TMEM164: variants seen among roughly 807,000 people sequenced by gnomAD.
The protein encoded by TMEM164 is RP13-360B22.2.
In TMEM164, 4 loss-of-function variants were observed where a neutral mutation model predicts 18.8. That is an observed-to-expected ratio of 0.21 (90% CI 0.10 to 0.49). TMEM164 has a LOEUF of 0.49. Among genes scored for constraint, TMEM164 ranks in the 20% least tolerant of loss-of-function variants. The pLI is 0.98. For missense variants in TMEM164, 108 were observed against 239.9 expected, an observed-to-expected ratio of 0.45 and a Z score of 3.63; for synonymous variants, 86 against 101.7, an observed-to-expected ratio of 0.85 and a Z score of 0.93.
intron 2 of TMEM164, among the ~76,000 whole-genome samples, chrX:110,021,124 A>G (rs1569296803): frequency 9.0e-6 from 1 of 111,212 alleles, no homozygotes. Context: ...TAATGACCAC[A>G]TTTCTGTATT....
At chrX:110,031,081 G>C (rs1358825919) in intron 2 of TMEM164, among the ~76,000 whole-genome samples, 8 of 110,471 alleles carry the variant, frequency 7.2e-5, no homozygotes, top group Non-Finnish European at 1.5e-4. Flanking sequence ...ACAGGCCCCG[G>C]CATGTGATGT....
intron 5 of TMEM164, among the ~76,000 whole-genome samples, chrX:110,164,425 G>A (rs1041463195): frequency 3.6e-5 from 4 of 111,460 alleles, no homozygotes; most frequent in African/African-American, 9.8e-5. Context: ...CATGGTTATC[G>A]GGAGTGAGCT....
intron 4 of TMEM164, among the ~76,000 whole-genome samples, chrX:110,127,342 G>A (rs989683077): frequency 9.0e-6 from 1 of 110,826 alleles, no homozygotes; most frequent in Non-Finnish European, 1.9e-5. Context: ...GAGAAACCCC[G>A]TCTGTACTAA....
intron 5 of TMEM164, among the ~76,000 whole-genome samples, chrX:110,169,840 T>A (rs2067206177): frequency 9.0e-6 from 1 of 111,549 alleles, no homozygotes; most frequent in Non-Finnish European, 1.9e-5. Flanking sequence ...GGTTGCCCTC[T>A]TTAGAAGGGG....
intron 3 of TMEM164, among the ~76,000 whole-genome samples, chrX:110,107,238 G>C (rs761477977): frequency 8.9e-6 from 1 of 111,799 alleles, no homozygotes; most frequent in South Asian, 3.7e-4. Flanking sequence ...AGAGTTTGGG[G>C]TCTGGAGTCA....
At chrX:110,167,344 C>T (rs1032772647) in intron 5 of TMEM164, among the ~76,000 whole-genome samples, 2 of 112,471 alleles carry the variant, frequency 1.8e-5, no homozygotes, top group African/African-American at 6.5e-5. Context: ...AAACCCAAGG[C>T]TACATGGCCC....
At chrX:110,045,781 G>GT (rs1455080883) in intron 2 of TMEM164, among the ~76,000 whole-genome samples, 1 of 112,053 alleles carries the variant, frequency 8.9e-6, no homozygotes, top group Admixed American at 9.5e-5. Flanking sequence ...GTCCTAGCTA[G>GT]TTTTTTGAAG....
intron 5 of TMEM164, among the ~76,000 whole-genome samples, chrX:110,163,164 A>G (rs1312428636): frequency 9.0e-6 from 1 of 111,724 alleles, no homozygotes; most frequent in Non-Finnish European, 1.9e-5. Flanking sequence ...AGCTGTTTTG[A>G]TGGAGGGAGG....
Position 110,160,017 on chromosome X carries a change from GGTGGTTGGAGGAAA to G in TMEM164, c.587-11399_587-11386del, listed in dbSNP as rs1435664155. Among the ~76,000 whole-genome samples the G allele has an allele frequency of 1.3e-3, 149 of 111,718 alleles. 1 individual carries two copies. The highest frequency in any genetic ancestry group is 4.7e-3 in the African/African-American group (145 of 30,679). ...TGGGTTGGGAGGAAGTCAGCCACAA[GGTGGTTGGAGGAAA>G]GTGCCCACACAGCTTTAGGCCCACA... On this transcript the variant is annotated intron_variant, in intron 5 of 6. Transcript: ENST00000372068.
chrX:110,088,799 G>A (rs1242418056), intron 3 of TMEM164, among the ~76,000 whole-genome samples: 1 of 111,903 alleles, frequency 8.9e-6, no homozygotes, highest in Non-Finnish European at 1.9e-5. Context: ...CCTAGAGCAG[G>A]GACTGCTTTT....
intron 4 of TMEM164, among the ~76,000 whole-genome samples, chrX:110,112,027 G>A (rs2066297121): frequency 9.0e-6 from 1 of 110,664 alleles, no homozygotes; most frequent in African/African-American, 3.3e-5. Flanking sequence ...GAGCAACACA[G>A]TGAGAACTCA....
intron 2 of TMEM164, among the ~76,000 whole-genome samples, chrX:110,007,656 A>T (rs1299764163): frequency 8.9e-6 from 1 of 112,199 alleles, no homozygotes; most frequent in African/African-American, 3.2e-5. Flanking sequence ...TCTCATAGCT[A>T]TTTAAGTCTT....
intron 2 of TMEM164, among the ~76,000 whole-genome samples, chrX:110,050,322 C>T (rs1487106167): frequency 8.9e-6 from 1 of 111,834 alleles, no homozygotes; most frequent in Non-Finnish European, 1.9e-5. Flanking sequence ...TACAACCCTT[C>T]CTGGAGTGAA....
At chrX:110,095,528 A>T in intron 3 of TMEM164, among the ~76,000 whole-genome samples, 1 of 111,945 alleles carries the variant, frequency 8.9e-6, no homozygotes, top group East Asian at 2.8e-4. Flanking sequence ...TTTCAGCTCC[A>T]TCAGGTTATT....
rs2067278151 is a variant in TMEM164, at chrX:110,175,340, GC to G, written c.*1893del. 8.8e-6 allele frequency: 1 copy of G among 113,252 alleles called. No homozygotes were observed. The highest frequency in any genetic ancestry group is 3.2e-5 in the African/African-American group (1 of 31,192). The allele number at this position is 113,252 out of a possible 1,213,427, so 9.3% of individuals were successfully genotyped here. On this transcript the variant is annotated 3_prime_UTR_variant, in exon 7 of 7. Transcript: ENST00000372068. ...AAGTTGGAAGGGGATTGTGGGAGGA[GC>G]CCCTGGGGGCCTGGTCTGTCCTCCA...
intron 2 of TMEM164, among the ~76,000 whole-genome samples, chrX:110,022,589 G>A (rs756477755): frequency 9.0e-5 from 10 of 111,558 alleles, no homozygotes; most frequent in African/African-American, 2.3e-4. Flanking sequence ...AAAATCTGAC[G>A]TATTTGAAAA....
intron 3 of TMEM164, among the ~76,000 whole-genome samples, chrX:110,104,430 G>T (rs181657821): frequency 1.8e-5 from 2 of 111,698 alleles, no homozygotes; most frequent in Non-Finnish European, 3.8e-5. Context: ...ATGGTGTTTA[G>T]TGCAATACCA....
chrX:110,022,199 A>ATG lies in TMEM164; in HGVS notation c.390+18055_390+18056dup, dbSNP rs754713777. Among the ~76,000 whole-genome samples the ATG allele has an allele frequency of 6.6e-3, 710 of 107,574 alleles. 1 individual carries two copies. The highest frequency in any genetic ancestry group is 0.014 in the African/African-American group (397 of 29,352). The allele number at this position is 107,574 out of a possible 115,157, so 93.4% of individuals were successfully genotyped here. A position where few individuals can be genotyped will look rare whatever the true frequency, so the allele number is the denominator to read the frequency against. On this transcript the variant is annotated intron_variant, in intron 2 of 6. Coordinates refer to ENST00000372068, the MANE Select transcript of TMEM164 (RefSeq NM_032227.4). ...TCTGAGCCTAAACTGACCACTAGAAATGTGTGTGTGTGTGTGTGTGTATTG... is the reference window on the plus strand; with the variant it reads ...TCTGAGCCTAAACTGACCACTAGAAATGTGTGTGTGTGTGTGTGTGTGTATTG...
chrX:110,066,554 G>A (rs1272250937), intron 2 of TMEM164, among the ~76,000 whole-genome samples: 1 of 112,191 alleles, frequency 8.9e-6, no homozygotes, highest in African/African-American at 3.2e-5. Flanking sequence ...TCTTAATGGG[G>A]GAACCCAGGA....
Sources: allele counts gnomAD v4.1 joint callset (sites outside exome capture counted in the v4.1 genomes callset), GRCh38; gene constraint gnomAD v4.1.1; transcripts MANE v1.5; gene names NCBI Gene and HGNC (gene_info 2026-07-23, HGNC 2026-07-21).